The following PRKCZ variants were observed in gnomAD, a reference collection of about 807,000 sequenced individuals.
The protein encoded by PRKCZ is protein kinase C zeta type.
PRKCZ carries 33 observed loss-of-function variants against 79.5 expected under a neutral mutation model. That is an observed-to-expected ratio of 0.41 (90% CI 0.31 to 0.55). The LOEUF is 0.55. Ranked by LOEUF, PRKCZ falls within the 20% of genes least tolerant of loss-of-function variation. PRKCZ has a pLI of 0.19. For missense variants in PRKCZ, 578 were observed against 813.5 expected (o/e 0.71, Z 3.52); for synonymous variants, 342 against 320.9 (o/e 1.07, Z -0.70).
rs370575078 is a variant in PRKCZ, at chr1:2,059,609, C to G, written c.334+18C>G. The G allele has an allele frequency of 1.4e-5, 22 of 1,613,670 alleles. No homozygotes were observed. The African/African-American group carries it at 2.9e-4, about 22-fold the overall frequency. ...AGAAGACAGTGAGTACTGGGGTTTC[C>G]TACGCCGGTCTCGCATGTTACGGGG... On this transcript the variant is annotated intron_variant, in intron 4 of 17. Coordinates refer to ENST00000378567, the MANE Select transcript of PRKCZ (RefSeq NM_002744.6).
chr1:2,131,467 C>T (rs778898800), intron 4 of PRKCZ, among the ~76,000 whole-genome samples: 1 of 152,164 alleles, frequency 6.6e-6, no homozygotes, highest in Non-Finnish European at 1.5e-5. Flanking sequence ...AAAACCAACC[C>T]TTAAAGTTTA....
intron 4 of PRKCZ, among the ~76,000 whole-genome samples, chr1:2,117,509 G>C (rs2102787212): frequency 6.6e-6 from 1 of 152,190 alleles, no homozygotes; most frequent in African/African-American, 2.4e-5. Context: ...TCAGTGACCG[G>C]CTGTTTGTTT....
intron 4 of PRKCZ, among the ~76,000 whole-genome samples, chr1:2,118,043 G>T (rs1671105169): frequency 9.1e-6 from 1 of 109,926 alleles, no homozygotes; most frequent in Admixed American, 1.5e-4. Context: ...CCAGGCTGGA[G>T]TGGAGTTCAG....
intron 10 of PRKCZ, among the ~76,000 whole-genome samples, chr1:2,159,912 G>A (rs569475165): frequency 3.3e-4 from 51 of 152,276 alleles, no homozygotes; most frequent in Non-Finnish European, 6.2e-4. Flanking sequence ...TAGCTGAAAT[G>A]ACTACTTTCA....
rs1287595315 is a variant in PRKCZ, at chr1:2,050,666, C to T, written c.36C>T (p.Ser12=). ...GGACCGGCCCCAAGATGGAAGGGAG[C>T]GGCGGCCGCGTCCGCCTCAAGGCGC... The part of the protein sequence containing the change: ...PSRTGPKMEG[S]GGRVRLKAHY... Residue 12 remains serine (S), a synonymous_variant, in exon 1 of 18, where the codon AGC becomes AGT. Transcript: ENST00000378567. 1.4e-4 allele frequency: 167 copies of T among 1,222,986 alleles called. No homozygotes were observed. In the East Asian group the frequency reaches 5.4e-3, roughly 39 times the overall value. 75.8% of individuals were successfully genotyped at this position (1,222,986 alleles called of 1,614,324 possible). A position where few individuals can be genotyped will look rare whatever the true frequency, so the allele number is the denominator to read the frequency against.
rs934494156 is a variant in PRKCZ, at chr1:2,153,489, G to A, written c.877-2506G>A. ...AGCCTCTACTACCTCCCAGCAGGGC[G>A]TGTCTGTGCAGTGCACAGGCTGTCC... On this transcript the variant is annotated intron_variant, in intron 9 of 17. Coordinates refer to ENST00000378567, the MANE Select transcript of PRKCZ (RefSeq NM_002744.6). 2.0e-5 allele frequency among the ~76,000 whole-genome samples: 3 copies of A among 152,200 alleles called. No homozygotes were observed. The South Asian group carries it at 6.2e-4, about 31-fold the overall frequency.
chr1:2,174,888 C>A lies in PRKCZ; in HGVS notation c.1485+55C>A. On this transcript the variant is annotated intron_variant, in intron 15 of 17. Transcript: ENST00000378567. The surrounding 1 kb of genome is among the most constrained non-coding windows in gnomAD (Gnocchi z 6.2). ...CGTTTGTGGCCTCGGTGTTGGTGGG[C>A]AGAGGGCCAGGCACGGCTGTTGGCC... The A allele has an allele frequency of 6.4e-7, 1 of 1,562,172 alleles. No homozygotes were observed. Among genetic ancestry groups the A allele is most frequent in the Non-Finnish European group, 8.8e-7 (1 of 1,133,900 alleles).
Position 2,174,084 on chromosome 1 carries a change from A to C in PRKCZ, c.1405+68A>C. ...TGTCTTCCTTCCTTTTCAAAGGTGCAGGTGGAGGGGTCCCGCGGGTGCCTG... is the reference window on the plus strand; with the variant it reads ...TGTCTTCCTTCCTTTTCAAAGGTGCCGGTGGAGGGGTCCCGCGGGTGCCTG... On this transcript the variant is annotated intron_variant, in intron 14 of 17. Coordinates refer to ENST00000378567, the MANE Select transcript of PRKCZ (RefSeq NM_002744.6). The surrounding 1 kb of genome is among the most constrained non-coding windows in gnomAD (Gnocchi z 6.2). 1.3e-6 allele frequency: 2 copies of C among 1,503,814 alleles called. No homozygotes were observed. Among genetic ancestry groups the C allele is most frequent in the Non-Finnish European group, 1.8e-6 (2 of 1,119,410 alleles). The allele number at this position is 1,503,814 out of a possible 1,614,324, so 93.2% of individuals were successfully genotyped here.
intron 6 of PRKCZ, chr1:2,145,482 G>A (rs1004128881): frequency 1.3e-5 from 2 of 153,120 alleles, no homozygotes; most frequent in Non-Finnish European, 1.5e-5. Context: ...CTGCAGTACC[G>A]AGTGGCCACC....
intron 4 of PRKCZ, chr1:2,074,560 C>G: frequency 1.8e-6 from 1 of 562,390 alleles, no homozygotes; most frequent in South Asian, 2.2e-5. Context: ...GTAGTGGTAA[C>G]AGCCAGCACC....
chr1:2,118,001 T>C (rs1258522925), intron 4 of PRKCZ, among the ~76,000 whole-genome samples: 3 of 127,790 alleles, frequency 2.3e-5, no homozygotes, highest in Admixed American at 8.0e-5. Flanking sequence ...ATTATTTCTT[T>C]TTTTTTTTTT....
intron 4 of PRKCZ, 102 bp downstream of exon 4, chr1:2,059,693 C>A: frequency 6.8e-7 from 1 of 1,473,440 alleles, no homozygotes; most frequent in Non-Finnish European, 9.4e-7. Context: ...CGGAGGTTCA[C>A]CCTCGTGGAG....
intron 16 of PRKCZ, among the ~76,000 whole-genome samples, chr1:2,180,205 C>T (rs757684237): frequency 3.3e-5 from 5 of 152,196 alleles, no homozygotes; most frequent in African/African-American, 7.2e-5. Flanking sequence ...CCCCATGCTG[C>T]GTGGCACAGG....
At chr1:2,164,065 C>G (rs766078277) in intron 10 of PRKCZ, among the ~76,000 whole-genome samples, 11 of 152,144 alleles carry the variant, frequency 7.2e-5, no homozygotes, top group Admixed American at 7.2e-4. Context: ...TGGGGAAAAC[C>G]GTGCCCTGTC....
chr1:2,050,947 C>T, intron 1 of PRKCZ: 1 of 368,914 alleles, frequency 2.7e-6, no homozygotes, highest in Non-Finnish European at 4.8e-6. Context: ...GCGAGCTCCT[C>T]GGCCCGGTCA....
intron 4 of PRKCZ, among the ~76,000 whole-genome samples, chr1:2,076,515 G>A (rs1662451604): frequency 6.6e-6 from 1 of 152,154 alleles, no homozygotes; most frequent in Admixed American, 6.5e-5. Context: ...GGCCGAGGTG[G>A]GGGATCACCT....
chr1:2,059,609 C>T lies in PRKCZ; in HGVS notation c.334+18C>T, dbSNP rs370575078. 3 of 1,613,670 alleles carry T rather than the reference C, an allele frequency of 1.9e-6. No homozygotes were observed. Among genetic ancestry groups the T allele is most frequent in the African/African-American group, 1.3e-5 (1 of 74,934 alleles). On this transcript the variant is annotated intron_variant, in intron 4 of 17. Transcript: ENST00000378567. ...AGAAGACAGTGAGTACTGGGGTTTC[C>T]TACGCCGGTCTCGCATGTTACGGGG... is the stretch of plus-strand genomic sequence containing the variant.
At chr1:2,136,577 G>A (rs1214516777) in intron 5 of PRKCZ, among the ~76,000 whole-genome samples, 5 of 152,162 alleles carry the variant, frequency 3.3e-5, no homozygotes, top group African/African-American at 9.6e-5. Flanking sequence ...ACGAGGTTGG[G>A]GACACCAGGA....
Position 2,173,803 on chromosome 1 carries a change from GTGTCAAC to G in PRKCZ, c.1286-91_1286-85del. The G allele has an allele frequency of 2.0e-6, 3 of 1,486,386 alleles. No homozygotes were observed. In the South Asian group the frequency reaches 4.0e-5, roughly 20 times the overall value. 92.1% of individuals were successfully genotyped at this position (1,486,386 alleles called of 1,614,324 possible). A position where few individuals can be genotyped will look rare whatever the true frequency, so the allele number is the denominator to read the frequency against. On this transcript the variant is annotated intron_variant, in intron 13 of 17. Transcript: ENST00000378567. This position sits in a 1 kb window ranked among gnomAD's most constrained non-coding sequence, Gnocchi z 5.7. ...GCCTGCTCAAGCCTGGCTCACACTC[GTGTCAAC>G]TGGGCATGAAAACCAACGCCAGCCA...
Sources: allele counts gnomAD v4.1 joint callset (sites outside exome capture counted in the v4.1 genomes callset), GRCh38; gene constraint gnomAD v4.1.1; non-coding constraint Gnocchi (gnomAD v3.1); transcripts MANE v1.5; gene names NCBI Gene and HGNC (gene_info 2026-07-23, HGNC 2026-07-21).